MACROD1: variants seen among roughly 807,000 people sequenced by gnomAD.
MACROD1 encodes the protein mono-ADP ribosylhydrolase 1, also known as ADP-ribose glycohydrolase MACROD1.
MACROD1 carries 31 observed loss-of-function variants against 41.4 expected under a neutral mutation model. That is an observed-to-expected ratio of 0.75 (90% CI 0.56 to 1.01). The LOEUF (loss-of-function observed/expected upper bound fraction) is 1.01. Among genes scored for constraint, MACROD1 ranks in the 50% least tolerant of loss-of-function variants. MACROD1 has a pLI of 0.00. For synonymous variants in MACROD1, 252 were observed against 203.4 expected (o/e 1.24, Z -2.03); for missense variants, 473 against 460.0 (o/e 1.03, Z -0.26).
At chr11:64,139,133 CCT>C (rs1283613085) in intron 3 of MACROD1, among the ~76,000 whole-genome samples, 1 of 152,150 alleles carries the variant, frequency 6.6e-6, no homozygotes, top group Non-Finnish European at 1.5e-5. Context: ...CCGCCAGTGA[CCT>C]CTCAGCCCCA....
At chr11:64,132,972 C>G (rs1235201761) in intron 3 of MACROD1, among the ~76,000 whole-genome samples, 1 of 152,208 alleles carries the variant, frequency 6.6e-6, no homozygotes, top group African/African-American at 2.4e-5. Context: ...GGGTTCCCCC[C>G]ACTGCCCCGA....
At chr11:64,092,805 C>T (rs936658742) in intron 3 of MACROD1, among the ~76,000 whole-genome samples, 2 of 152,258 alleles carry the variant, frequency 1.3e-5, no homozygotes, top group Non-Finnish European at 2.9e-5. Flanking sequence ...TCTCCCCAAG[C>T]ATGGTTTGAA....
At chr11:64,150,776 T>C (rs1048692205) in intron 3 of MACROD1, among the ~76,000 whole-genome samples, 3 of 152,202 alleles carry the variant, frequency 2.0e-5, no homozygotes, top group Non-Finnish European at 4.4e-5. Flanking sequence ...CTCCTGTTTC[T>C]AGGCTCTGGA....
chr11:64,119,819 T>C, intron 3 of MACROD1, among the ~76,000 whole-genome samples: 1 of 152,118 alleles, frequency 6.6e-6, no homozygotes, highest in East Asian at 1.9e-4. Context: ...GACAGTGCAG[T>C]GTGGTGAGCC....
At chr11:64,164,281 G>C (rs1372368328) in intron 1 of MACROD1, among the ~76,000 whole-genome samples, 1 of 152,242 alleles carries the variant, frequency 6.6e-6, no homozygotes. Flanking sequence ...CAACACAGCA[G>C]CCCAGGAACC....
intron 3 of MACROD1, chr11:64,116,409 GTCA>G: frequency 6.2e-7 from 1 of 1,613,972 alleles, no homozygotes; most frequent in Middle Eastern, 1.6e-4. Flanking sequence ...CCTGACGGAG[GTCA>G]TCGACAGCAC....
chr11:64,087,882 G>T (rs982140503), intron 3 of MACROD1, among the ~76,000 whole-genome samples: 25 of 152,344 alleles, frequency 1.6e-4, no homozygotes, highest in African/African-American at 6.0e-4. Flanking sequence ...GGTACACAGG[G>T]CTTAGCTCCT....
chr11:64,147,264 G>T (rs112554584), intron 3 of MACROD1, among the ~76,000 whole-genome samples: 4 of 151,902 alleles, frequency 2.6e-5, no homozygotes, highest in African/African-American at 9.7e-5. Flanking sequence ...TAGAGATAGG[G>T]TGCCACTGTG....
At chr11:64,016,707 G>C (rs918659231) in intron 3 of MACROD1, among the ~76,000 whole-genome samples, 10 of 152,242 alleles carry the variant, frequency 6.6e-5, no homozygotes, top group African/African-American at 2.2e-4. Flanking sequence ...ATTAATACAA[G>C]CAGCTAATTA....
intron 3 of MACROD1, chr11:64,117,588 A>G: frequency 1.2e-6 from 2 of 1,612,214 alleles, no homozygotes; most frequent in Admixed American, 1.7e-5. Context: ...GACCCTGGCC[A>G]TCCACGTGAA....
At chr11:64,143,230 A>G (rs1252411105) in intron 3 of MACROD1, among the ~76,000 whole-genome samples, 1 of 152,048 alleles carries the variant, frequency 6.6e-6, no homozygotes, top group Non-Finnish European at 1.5e-5. Context: ...AGAAAGAAAA[A>G]AACCTGATGG....
chr11:64,068,045 C>T (rs1590863934), intron 3 of MACROD1, among the ~76,000 whole-genome samples: 1 of 152,202 alleles, frequency 6.6e-6, no homozygotes, highest in African/African-American at 2.4e-5. Context: ...AACAAATTGC[C>T]TCACAGATAA....
intron 3 of MACROD1, chr11:64,117,541 A>G: frequency 6.2e-7 from 1 of 1,603,762 alleles, no homozygotes; most frequent in Middle Eastern, 1.7e-4. Context: ...CCCGACTCCA[A>G]CATTGACTAC....
chr11:64,129,930 C>G (rs1423297043), intron 3 of MACROD1, among the ~76,000 whole-genome samples: 1 of 152,098 alleles, frequency 6.6e-6, no homozygotes, highest in African/African-American at 2.4e-5. Context: ...TGAAGAGGAC[C>G]GGGTGGTTGG....
intron 3 of MACROD1, among the ~76,000 whole-genome samples, chr11:64,121,257 G>A (rs1407316753): frequency 6.6e-6 from 1 of 152,224 alleles, no homozygotes; most frequent in African/African-American, 2.4e-5. Context: ...GACCACGCGA[G>A]TCTCCTGTTC....
At chr11:64,034,894 G>C (rs1336677671) in intron 3 of MACROD1, among the ~76,000 whole-genome samples, 1 of 152,180 alleles carries the variant, frequency 6.6e-6, no homozygotes, top group African/African-American at 2.4e-5. Flanking sequence ...GTATATGGGA[G>C]AGTCCCTTAC....
At chr11:64,092,093 A>G (rs903874880) in intron 3 of MACROD1, among the ~76,000 whole-genome samples, 1 of 152,130 alleles carries the variant, frequency 6.6e-6, no homozygotes, top group African/African-American at 2.4e-5. Context: ...TGGTGTATTC[A>G]AAAGGCCACC....
intron 3 of MACROD1, among the ~76,000 whole-genome samples, chr11:64,071,396 AT>A (rs1487744565): frequency 6.6e-6 from 1 of 152,114 alleles, no homozygotes; most frequent in African/African-American, 2.4e-5. Context: ...GAATGAATGA[AT>A]GAAACTCACG....
intron 1 of MACROD1, among the ~76,000 whole-genome samples, chr11:64,164,588 G>C (rs937019263): frequency 6.6e-6 from 1 of 152,250 alleles, no homozygotes; most frequent in Non-Finnish European, 1.5e-5. Flanking sequence ...TAAAGTCGGT[G>C]CTTTCTGCCG....
Sources: gnomAD v4.1 joint callset for allele counts (sites outside exome capture counted in the v4.1 genomes callset) on GRCh38, gnomAD v4.1.1 for gene constraint, MANE v1.5 for transcripts, NCBI Gene and HGNC (gene_info 2026-07-23, HGNC 2026-07-21) for gene names.